UST: variants seen among roughly 807,000 people sequenced by gnomAD.
The protein encoded by UST is chondroitin sulfate 2-O-sulfotransferase.
UST carries 21 observed loss-of-function variants against 45.6 expected under a neutral mutation model. The observed-to-expected ratio is 0.46, with a 90% CI of 0.33 to 0.66. The LOEUF (loss-of-function observed/expected upper bound fraction) is 0.66. Among genes scored for constraint, UST ranks in the 30% least tolerant of loss-of-function variants. UST has a pLI of 0.02. For synonymous variants in UST, 215 were observed against 200.6 expected, an observed-to-expected ratio of 1.07 and a Z score of -0.61; for missense variants, 463 against 512.4, an observed-to-expected ratio of 0.90 and a Z score of 0.93.
At chr6:148,798,760 A>G (rs1776997917) in intron 1 of UST, among the ~76,000 whole-genome samples, 1 of 152,190 alleles carries the variant, frequency 6.6e-6, no homozygotes, top group South Asian at 2.1e-4. Flanking sequence ...GTGCTCATAA[A>G]CATTTGTTAC....
At chr6:148,807,281 A>T (rs1056280223) in intron 1 of UST, among the ~76,000 whole-genome samples, 2 of 152,114 alleles carry the variant, frequency 1.3e-5, no homozygotes, top group African/African-American at 4.8e-5. Flanking sequence ...CCTCTGCCAC[A>T]TTGCCTAATT....
intron 1 of UST, among the ~76,000 whole-genome samples, chr6:148,805,408 T>C (rs1011651218): frequency 6.6e-6 from 1 of 152,206 alleles, no homozygotes; most frequent in African/African-American, 2.4e-5. Context: ...GGAAAAAGCC[T>C]GAGATGTTGG....
At chr6:148,859,267 T>A (rs1229887055) in intron 1 of UST, among the ~76,000 whole-genome samples, 7 of 152,256 alleles carry the variant, frequency 4.6e-5, no homozygotes, top group African/African-American at 1.4e-4. Context: ...TTTTCATGTG[T>A]CTGTTGGCTG....
rs564294587 is a variant in UST, at chr6:148,748,935, A to C, written c.247+1258A>C. On this transcript the variant is annotated intron_variant, in intron 1 of 7. Coordinates refer to ENST00000367463, the MANE Select transcript of UST (RefSeq NM_005715.3). The surrounding 1 kb of genome is among the most constrained non-coding windows in gnomAD (Gnocchi z 5.3). ...AAGAGAAAAGAAAAGGAAAAAAAAAAAACCCAAAACAAACAAACAAAACAA... is the reference window on the plus strand; with the variant it reads ...AAGAGAAAAGAAAAGGAAAAAAAAACAACCCAAAACAAACAAACAAAACAA... 0.033 allele frequency among the ~76,000 whole-genome samples: 5,003 copies of C among 152,118 alleles called. 113 individuals carry two copies. Among genetic ancestry groups the C allele is most frequent in the Non-Finnish European group, 0.046 (3,134 of 67,986 alleles).
intron 5 of UST, among the ~76,000 whole-genome samples, chr6:148,991,838 G>A (rs1781359667): frequency 6.6e-6 from 1 of 152,116 alleles, no homozygotes; most frequent in African/African-American, 2.4e-5. Flanking sequence ...CCTGAAAAGT[G>A]AATCCTTAGA....
At chr6:149,003,755 C>G (rs1191715060) in intron 5 of UST, among the ~76,000 whole-genome samples, 3 of 152,188 alleles carry the variant, frequency 2.0e-5, no homozygotes, top group African/African-American at 7.2e-5. Context: ...TCTTCCTGCC[C>G]CGGAGGCTGG....
chr6:148,938,820 C>T (rs1780068561), intron 2 of UST, among the ~76,000 whole-genome samples: 1 of 150,648 alleles, frequency 6.6e-6, no homozygotes. Flanking sequence ...AATAGATAAA[C>T]AGTAGTATAT....
chr6:148,965,876 C>CTTTTTTTTTTTTTTTT (rs56202168), intron 5 of UST, among the ~76,000 whole-genome samples: 1 of 126,240 alleles, frequency 7.9e-6, no homozygotes, highest in Non-Finnish European at 1.6e-5. Flanking sequence ...TGGCTTTTCC[C>CTTTTTTTTTTTTTTTT]TTTTTTTTTT....
intron 1 of UST, among the ~76,000 whole-genome samples, chr6:148,773,997 TGC>T (rs1473087990): frequency 1.3e-5 from 2 of 152,196 alleles, no homozygotes; most frequent in Non-Finnish European, 2.9e-5. Context: ...TCTGACTCTA[TGC>T]TGGTGTCAAA....
At chr6:148,823,181 T>G (rs967686344) in intron 1 of UST, among the ~76,000 whole-genome samples, 1 of 152,182 alleles carries the variant, frequency 6.6e-6, no homozygotes, top group Non-Finnish European at 1.5e-5. Context: ...ATTTTTGGAG[T>G]GCTTTTCTTG....
chr6:148,963,778 A>G (rs1780718843), intron 4 of UST, among the ~76,000 whole-genome samples: 2 of 152,226 alleles, frequency 1.3e-5, no homozygotes, highest in East Asian at 1.9e-4. Flanking sequence ...CCCCAAGTGT[A>G]AATGAGGATA....
rs115962111 is a variant in UST, at chr6:148,797,516, G to T, written c.247+49839G>T. Among the ~76,000 whole-genome samples the T allele has an allele frequency of 8.8e-3, 1,339 of 152,310 alleles. 20 individuals carry two copies. Among genetic ancestry groups the T allele is most frequent in the African/African-American group, 0.031 (1,269 of 41,560 alleles). On this transcript the variant is annotated intron_variant, in intron 1 of 7. Transcript: ENST00000367463. ...GAACACCTGCTATGTGCTAGGCATT[G>T]TGGTATGCATTGGGAATACAAAGCC... is the stretch of plus-strand genomic sequence containing the variant.
chr6:148,890,836 T>C (rs1172345488), intron 2 of UST, among the ~76,000 whole-genome samples: 1 of 152,250 alleles, frequency 6.6e-6, no homozygotes, highest in Non-Finnish European at 1.5e-5. Flanking sequence ...ACTTTGTATG[T>C]ACACAGAATA....
chr6:149,046,504 A>G (rs1582975098), intron 7 of UST, among the ~76,000 whole-genome samples: 1 of 152,246 alleles, frequency 6.6e-6, no homozygotes, highest in African/African-American at 2.4e-5. Flanking sequence ...GGTATAGTAC[A>G]TAGGTCAATC....
chr6:148,827,737 A>C (rs1051474594), intron 1 of UST, among the ~76,000 whole-genome samples: 3 of 151,748 alleles, frequency 2.0e-5, no homozygotes, highest in Admixed American at 6.6e-5. Flanking sequence ...AAAAAAAAAA[A>C]AAAAAACCAA....
At position 149,075,626 on chromosome 6, in the gene UST, T is replaced by A. The variant is rs1343536833; in HGVS notation, c.*1510T>A. Reference sequence around the variant, plus strand: ...CTTGGTTCAGTCATTAGAAATCTGTTGCTTTGAGTTCTGAAATATTTTCAC... The same window carrying A: ...CTTGGTTCAGTCATTAGAAATCTGTAGCTTTGAGTTCTGAAATATTTTCAC... On this transcript the variant is annotated 3_prime_UTR_variant, in exon 8 of 8. Coordinates refer to ENST00000367463, the MANE Select transcript of UST (RefSeq NM_005715.3). 1 of 152,124 alleles carries A rather than the reference T, an allele frequency of 6.6e-6. No homozygotes were observed. The highest frequency in any genetic ancestry group is 1.5e-5 in the Non-Finnish European group (1 of 68,020). The allele number at this position is 152,124 out of a possible 1,614,324, so 9.4% of individuals were successfully genotyped here.
intron 5 of UST, among the ~76,000 whole-genome samples, chr6:149,010,380 G>A (rs985296033): frequency 2.0e-5 from 3 of 152,130 alleles, no homozygotes; most frequent in Admixed American, 6.5e-5. Flanking sequence ...CTCAAAGACC[G>A]CGGTTCCTTG....
chr6:148,947,659 T>C (rs555420182), intron 3 of UST, among the ~76,000 whole-genome samples: 199 of 152,308 alleles, frequency 1.3e-3, no homozygotes, highest in African/African-American at 4.4e-3. Flanking sequence ...CTCATGAGCC[T>C]CTCTCTTTAT....
chr6:148,992,362 C>T (rs531162223), intron 5 of UST, among the ~76,000 whole-genome samples: 1 of 152,226 alleles, frequency 6.6e-6, no homozygotes, highest in African/African-American at 2.4e-5. Flanking sequence ...AAAAATTAGC[C>T]GGGCGTTGAG....
Sources: gnomAD v4.1 joint callset for allele counts (sites outside exome capture counted in the v4.1 genomes callset) on GRCh38, gnomAD v4.1.1 for gene constraint, Gnocchi (gnomAD v3.1) non-coding constraint, MANE v1.5 for transcripts, NCBI Gene and HGNC (gene_info 2026-07-23, HGNC 2026-07-21) for gene names.